The following GRIA1 variants were observed in gnomAD, a reference collection of about 807,000 sequenced individuals.
GRIA1 encodes the protein glutamate receptor 1.
GRIA1 carries 31 observed loss-of-function variants against 99.2 expected under a neutral mutation model. The ratio of observed to expected loss-of-function variants is 0.31; its 90% CI spans 0.23 to 0.42. GRIA1 has a LOEUF of 0.42. Ranked by LOEUF, GRIA1 falls within the 10% of genes least tolerant of loss-of-function variation. The pLI is 1.00. For missense variants in GRIA1, 782 were observed against 1,157.5 expected (o/e 0.68, Z 4.71); for synonymous variants, 438 against 432.4 (o/e 1.01, Z -0.16).
intron 13 of GRIA1, among the ~76,000 whole-genome samples, chr5:153,775,838 G>A (rs949857388): frequency 2.7e-5 from 4 of 150,402 alleles, no homozygotes; most frequent in Non-Finnish European, 5.9e-5. Context: ...TGTGATAGAT[G>A]GGAAGTGGGG....
chr5:153,676,653 T>G (rs1756606791), intron 6 of GRIA1, among the ~76,000 whole-genome samples: 1 of 152,162 alleles, frequency 6.6e-6, no homozygotes, highest in African/African-American at 2.4e-5. Context: ...AATCTATGCA[T>G]TTTTTCCCAA....
intron 2 of GRIA1, among the ~76,000 whole-genome samples, chr5:153,584,461 T>C (rs1763302201): frequency 6.6e-6 from 1 of 152,320 alleles, no homozygotes; most frequent in East Asian, 1.9e-4. Context: ...GCTGGAAGTC[T>C]GCACAATCTG....
At chr5:153,727,812 G>A (rs958675817) in intron 11 of GRIA1, among the ~76,000 whole-genome samples, 9 of 151,876 alleles carry the variant, frequency 5.9e-5, no homozygotes, top group African/African-American at 2.2e-4. Context: ...TACTGCCCAA[G>A]GTAATTTATA....
At chr5:153,577,154 TTGGATGGATGGATGGA>T (rs35199031) in intron 2 of GRIA1, among the ~76,000 whole-genome samples, 10 of 119,964 alleles carry the variant, frequency 8.3e-5, no homozygotes, top group African/African-American at 2.4e-4. Flanking sequence ...GGATGGATGG[TTGGATGGATGGATGGA>T]TGGATGGATG....
At chr5:153,746,909 T>G (rs1264009242) in intron 11 of GRIA1, among the ~76,000 whole-genome samples, 1 of 152,140 alleles carries the variant, frequency 6.6e-6, no homozygotes, top group Non-Finnish European at 1.5e-5. Flanking sequence ...GTGACCCTGG[T>G]CTAAGCTGGA....
chr5:153,498,847 A>G (rs1351647188), intron 2 of GRIA1, among the ~76,000 whole-genome samples: 1 of 152,198 alleles, frequency 6.6e-6, no homozygotes, highest in East Asian at 1.9e-4. Context: ...CAAGTTAACC[A>G]AAGTTTCCAT....
chr5:153,529,206 T>C (rs1757878153), intron 2 of GRIA1, among the ~76,000 whole-genome samples: 2 of 152,216 alleles, frequency 1.3e-5, no homozygotes, highest in African/African-American at 4.8e-5. Context: ...TACTGTCTTA[T>C]ATTGTCTGAC....
intron 11 of GRIA1, among the ~76,000 whole-genome samples, chr5:153,712,831 C>T (rs1022870065): frequency 2.6e-5 from 4 of 152,118 alleles, no homozygotes; most frequent in Admixed American, 6.5e-5. Context: ...GGACCCTCTG[C>T]GTCAGAATTA....
chr5:153,806,661 G>A (rs1766448631), intron 15 of GRIA1, among the ~76,000 whole-genome samples: 1 of 152,112 alleles, frequency 6.6e-6, no homozygotes, highest in Admixed American at 6.5e-5. Flanking sequence ...CACTCTTCAT[G>A]GATGAAAGAA....
At chr5:153,600,414 A>G (rs1764835271) in intron 2 of GRIA1, among the ~76,000 whole-genome samples, 1 of 90,872 alleles carries the variant, frequency 1.1e-5, no homozygotes, top group African/African-American at 4.3e-5. Context: ...AAAAAAAAAA[A>G]AAGTATGGAG....
chr5:153,803,085 A>G lies in GRIA1; in HGVS notation c.2520+595A>G, dbSNP rs568815599. 1.8e-4 allele frequency among the ~76,000 whole-genome samples: 27 copies of G among 152,340 alleles called. No individual in the cohort carries two copies. The South Asian group carries it at 5.6e-3, about 32-fold the overall frequency. ...TAAAATACCAATATTTTCCAAGTGG[A>G]AAAAGAAAACAGGCTAGTTCTATGG... On this transcript the variant is annotated intron_variant, in intron 15 of 15. Coordinates refer to ENST00000285900, the MANE Select transcript of GRIA1 (RefSeq NM_000827.4).
chr5:153,492,205 T>C, intron 1 of GRIA1: 2 of 1,533,644 alleles, frequency 1.3e-6, no homozygotes, highest in Non-Finnish European at 1.7e-6. Flanking sequence ...ATACATGTGC[T>C]GCAGTACCCA....
intron 13 of GRIA1, among the ~76,000 whole-genome samples, chr5:153,781,277 G>A (rs890677521): frequency 3.3e-5 from 5 of 151,808 alleles, no homozygotes; most frequent in South Asian, 2.1e-4. Context: ...CAGAACAAAC[G>A]TCTAGTAAAC....
chr5:153,616,381 G>A (rs1257306552), intron 2 of GRIA1, among the ~76,000 whole-genome samples: 1 of 151,986 alleles, frequency 6.6e-6, no homozygotes. Context: ...TAGGACAGGG[G>A]TGACCAATCT....
At chr5:153,723,846 C>T (rs1005453682) in intron 11 of GRIA1, among the ~76,000 whole-genome samples, 1 of 152,080 alleles carries the variant, frequency 6.6e-6, no homozygotes, top group African/African-American at 2.4e-5. Context: ...CAGCAGTAAC[C>T]TCTGCAGACT....
chr5:153,717,566 T>C (rs1759755482), intron 11 of GRIA1, among the ~76,000 whole-genome samples: 1 of 152,044 alleles, frequency 6.6e-6, no homozygotes, highest in South Asian at 2.1e-4. Flanking sequence ...AGTTTAATGA[T>C]AAACCCAATA....
intron 2 of GRIA1, among the ~76,000 whole-genome samples, chr5:153,638,309 C>T (rs1753535119): frequency 1.3e-5 from 2 of 152,210 alleles, no homozygotes; most frequent in South Asian, 4.1e-4. Flanking sequence ...TTATTTAATA[C>T]TCAGTGTTTA....
chr5:153,723,770 C>G (rs958339228), intron 11 of GRIA1, among the ~76,000 whole-genome samples: 1 of 151,676 alleles, frequency 6.6e-6, no homozygotes, highest in Non-Finnish European at 1.5e-5. Flanking sequence ...CCCACCACAG[C>G]TCAAGGAGGC....
intron 5 of GRIA1, among the ~76,000 whole-genome samples, chr5:153,661,205 C>T (rs1282162435): frequency 6.6e-6 from 1 of 152,180 alleles, no homozygotes; most frequent in Non-Finnish European, 1.5e-5. Context: ...CTCTGTACCT[C>T]ACAGTTATGT....
Sources: allele counts gnomAD v4.1 joint callset (sites outside exome capture counted in the v4.1 genomes callset), GRCh38; gene constraint gnomAD v4.1.1; transcripts MANE v1.5; gene names NCBI Gene and HGNC (gene_info 2026-07-23, HGNC 2026-07-21).